Variants in ABI3BP observed in about 807,000 individuals in gnomAD.
ABI3BP encodes the protein ABI family member 3 binding protein.
A neutral mutation model predicts 268.6 loss-of-function variants in ABI3BP; 216 were observed. That is an observed-to-expected ratio of 0.80 (90% CI 0.72 to 0.90). ABI3BP has a LOEUF of 0.90. Among genes scored for constraint, ABI3BP ranks in the 40% least tolerant of loss-of-function variants. The pLI is 0.00. For missense variants in ABI3BP, 2,090 were observed against 2,182.4 expected, an observed-to-expected ratio of 0.96 and a Z score of 0.84; for synonymous variants, 730 against 730.0, an observed-to-expected ratio of 1.00 and a Z score of 0.00.
Position 100,885,518 on chromosome 3 carries a change from A to C in ABI3BP, c.696+18T>G. 1 of 1,454,782 alleles carries C rather than the reference A, an allele frequency of 6.9e-7. No individual in the cohort carries two copies. 90.1% of individuals were successfully genotyped at this position (1,454,782 alleles called of 1,614,324 possible). On this transcript the variant is annotated intron_variant, in intron 6 of 67. Transcript: ENST00000471714. ...TACAATTTTTTAAAAACATTCTTGAAAATAAACTGTTACATACCACTGTGT... is the reference window on the plus strand; with the variant it reads ...TACAATTTTTTAAAAACATTCTTGACAATAAACTGTTACATACCACTGTGT...
At chr3:100,968,951 TTGAA>T (rs1253722918) in intron 1 of ABI3BP, among the ~76,000 whole-genome samples, 1 of 152,194 alleles carries the variant, frequency 6.6e-6, no homozygotes, top group African/African-American at 2.4e-5. Context: ...AGATTATTCT[TTGAA>T]TGGCAGTTTC....
intron 62 of ABI3BP, among the ~76,000 whole-genome samples, chr3:100,768,645 C>G (rs751594455): frequency 2.0e-5 from 3 of 152,080 alleles, no homozygotes; most frequent in African/African-American, 7.2e-5. Context: ...CTAGTTTATG[C>G]GGCATATTCA....
intron 48 of ABI3BP, 24 bp downstream of exon 48, chr3:100,811,206 G>C: frequency 6.5e-7 from 1 of 1,528,992 alleles, no homozygotes; most frequent in Non-Finnish European, 8.8e-7. Flanking sequence ...AGAGCACCCA[G>C]GGTTGGGCTA....
chr3:100,962,850 T>C (rs1326462842), intron 1 of ABI3BP, among the ~76,000 whole-genome samples: 1 of 152,150 alleles, frequency 6.6e-6, no homozygotes, highest in Non-Finnish European at 1.5e-5. Flanking sequence ...ACTTACACAC[T>C]GACAGCTCCT....
intron 21 of ABI3BP, 131 bp from the exon 22 acceptor site, chr3:100,840,989 A>G (rs1053463441): frequency 1.4e-6 from 1 of 704,638 alleles, no homozygotes; most frequent in Non-Finnish European, 2.2e-6. Context: ...GCTTTTATCC[A>G]CATGCAAAGT....
At chr3:100,753,974 C>T in intron 64 of ABI3BP, 126 bp from the exon 65 acceptor site, 1 of 982,920 alleles carries the variant, frequency 1.0e-6, no homozygotes, top group Non-Finnish European at 1.6e-6. Flanking sequence ...TACTCTTTTG[C>T]TAAGGATTGA....
rs1329085600 is a variant in ABI3BP at position 100,988,470 on chromosome 3, C to T, written c.79+4836G>A. On this transcript the variant is annotated intron_variant, in intron 1 of 67. Transcript: ENST00000471714. ...GCTTTGGCCCCTGGGGTTGCCTGGG[C>T]TCTGGGCCAGCAGCTACCTTTGTTG... is the stretch of plus-strand genomic sequence containing the variant. Among the ~76,000 whole-genome samples the T allele has an allele frequency of 2.0e-5, 3 of 152,132 alleles. No individual in the cohort carries two copies. The East Asian group carries it at 5.8e-4, about 29-fold the overall frequency.
chr3:100,762,156 T>A (rs567111610), intron 63 of ABI3BP, among the ~76,000 whole-genome samples: 1 of 148,818 alleles, frequency 6.7e-6, no homozygotes, highest in African/African-American at 2.6e-5. Context: ...CTGTACATAC[T>A]TCCTCTTTAT....
At chr3:100,810,070 A>G (rs768515948) in intron 49 of ABI3BP, among the ~76,000 whole-genome samples, 4 of 152,124 alleles carry the variant, frequency 2.6e-5, no homozygotes, top group Non-Finnish European at 5.9e-5. Context: ...TACTTTTTAC[A>G]TGATCATAGA....
At chr3:100,903,834 G>A (rs572956049) in intron 2 of ABI3BP, among the ~76,000 whole-genome samples, 9 of 152,234 alleles carry the variant, frequency 5.9e-5, no homozygotes, top group Non-Finnish European at 8.8e-5. Context: ...AATTACCGCC[G>A]AATAAAGTAA....
intron 29 of ABI3BP, 37 bp from the exon 30 acceptor site, chr3:100,833,194 AAAT>A: frequency 2.6e-6 from 4 of 1,514,942 alleles, no homozygotes; most frequent in Non-Finnish European, 3.5e-6. Flanking sequence ...TTTTAAAAAG[AAAT>A]AAATGTTAAA....
rs1361905496 is a variant in ABI3BP, at chr3:100,825,855, A to C, written c.2603-11T>G. The C allele has an allele frequency of 6.5e-7, 1 of 1,527,598 alleles. No homozygotes were observed. The highest frequency in any genetic ancestry group is 8.8e-7 in the Non-Finnish European group (1 of 1,139,344). The allele number at this position is 1,527,598 out of a possible 1,614,324, so 94.6% of individuals were successfully genotyped here. A position where few individuals can be genotyped will look rare whatever the true frequency, so the allele number is the denominator to read the frequency against. On this transcript the variant is annotated splice_polypyrimidine_tract_variant and intron_variant, in intron 34 of 67. Transcript: ENST00000471714. ...GGTCTGTAACAGGAACTGAAGTAAT[A>C]AGATAAACAAAAGAGATGGTAAAAA...
At chr3:100,969,791 T>C (rs1169460475) in intron 1 of ABI3BP, among the ~76,000 whole-genome samples, 1 of 152,170 alleles carries the variant, frequency 6.6e-6, no homozygotes, top group East Asian at 1.9e-4. Flanking sequence ...TGTAGACCAT[T>C]TGCCAAGAGC....
intron 1 of ABI3BP, among the ~76,000 whole-genome samples, chr3:100,960,661 A>T (rs1160755154): frequency 6.6e-6 from 1 of 152,236 alleles, no homozygotes; most frequent in Non-Finnish European, 1.5e-5. Context: ...GACGTCAGAG[A>T]GATTCAAAGC....
At chr3:100,796,079 C>T (rs772261955) in intron 52 of ABI3BP, among the ~76,000 whole-genome samples, 5 of 152,016 alleles carry the variant, frequency 3.3e-5, no homozygotes, top group Non-Finnish European at 7.4e-5. Flanking sequence ...TTCGAGTAGG[C>T]ACCCACTTTT....
At chr3:100,981,947 A>G (rs1003270568) in intron 1 of ABI3BP, among the ~76,000 whole-genome samples, 2 of 152,206 alleles carry the variant, frequency 1.3e-5, no homozygotes, top group Non-Finnish European at 2.9e-5. Context: ...TCACACTACT[A>G]TAAAGAAATA....
intron 63 of ABI3BP, among the ~76,000 whole-genome samples, chr3:100,756,090 ATG>A (rs1328395419): frequency 1.3e-5 from 2 of 152,246 alleles, no homozygotes; most frequent in African/African-American, 4.8e-5. Flanking sequence ...AATGCTTACT[ATG>A]TATCAGATGC....
chr3:100,894,354 T>C (rs2153452120), intron 4 of ABI3BP, among the ~76,000 whole-genome samples: 1 of 152,226 alleles, frequency 6.6e-6, no homozygotes, highest in East Asian at 1.9e-4. Flanking sequence ...CACATAAAAG[T>C]GAGAATGTTG....
At chr3:100,904,771 G>T (rs2052420018) in intron 2 of ABI3BP, among the ~76,000 whole-genome samples, 1 of 152,192 alleles carries the variant, frequency 6.6e-6, no homozygotes, top group Admixed American at 6.5e-5. Context: ...ACAGGTGCTG[G>T]AGAGGATGTG....
Sources: allele counts gnomAD v4.1 joint callset (sites outside exome capture counted in the v4.1 genomes callset), GRCh38; gene constraint gnomAD v4.1.1; transcripts MANE v1.5; gene names NCBI Gene and HGNC (gene_info 2026-07-23, HGNC 2026-07-21).